C2orf76: variants seen among roughly 807,000 people sequenced by gnomAD.
C2orf76 encodes the protein chromosome 2 open reading frame 76, also known as UPF0538 protein C2orf76.
In C2orf76, 23 loss-of-function variants were observed where a neutral mutation model predicts 16.9. The ratio of observed to expected loss-of-function variants is 1.36; its 90% confidence interval spans 0.98 to 1.93. The LOEUF (loss-of-function observed/expected upper bound fraction) is 1.93, where lower values mean the gene tolerates loss of function less well. Among genes scored for constraint, C2orf76 ranks in the 30% most tolerant of loss-of-function variants. C2orf76 has a pLI of 0.00. For missense variants in C2orf76, 152 were observed against 152.6 expected, an observed-to-expected ratio of 1.00 and a Z score of 0.02; for synonymous variants, 48 against 52.3, an observed-to-expected ratio of 0.92 and a Z score of 0.35.
At chr2:119,289,237 T>C in the C2orf76 span, among the ~76,000 whole-genome samples, 2 of 152,030 alleles carry the variant, frequency 1.3e-5, no homozygotes, top group Non-Finnish European at 2.9e-5. Flanking sequence ...GGAGGTCTCA[T>C]GCAGCCAGAA....
the C2orf76 span, among the ~76,000 whole-genome samples, chr2:119,296,476 G>C: frequency 6.6e-6 from 1 of 152,216 alleles, no homozygotes; most frequent in Non-Finnish European, 1.5e-5. Context: ...CTAGTGGGCA[G>C]AGGGGTCCCA....
chr2:119,347,864 T>C (rs933616791), intron 1 of C2orf76, among the ~76,000 whole-genome samples: 46 of 152,012 alleles, frequency 3.0e-4, no homozygotes, highest in African/African-American at 1.1e-3. Flanking sequence ...CTTGCTTGAG[T>C]ATAGTCGATT....
chr2:119,338,550 A>G (rs947275399), intron 2 of C2orf76, among the ~76,000 whole-genome samples: 1 of 152,216 alleles, frequency 6.6e-6, no homozygotes, highest in Admixed American at 6.5e-5. Context: ...AGAAAGGGGA[A>G]GAGGAGAGAG....
intron 2 of C2orf76, among the ~76,000 whole-genome samples, chr2:119,337,999 A>G (rs1679905443): frequency 6.6e-6 from 1 of 152,258 alleles, no homozygotes; most frequent in Admixed American, 6.5e-5. Context: ...TGCTGTGTCA[A>G]CATTAAGAAA....
chr2:119,359,819 G>T (rs1680686622), intron 1 of C2orf76, among the ~76,000 whole-genome samples: 1 of 152,170 alleles, frequency 6.6e-6, no homozygotes, highest in Non-Finnish European at 1.5e-5. Flanking sequence ...TGTCGCCTAG[G>T]CTGGAGTGCT....
chr2:119,295,785 T>C, the C2orf76 span, among the ~76,000 whole-genome samples: 1 of 152,186 alleles, frequency 6.6e-6, no homozygotes, highest in Non-Finnish European at 1.5e-5. Context: ...ATTTTCTCCA[T>C]CTTAAAATCT....
At chr2:119,306,093 C>T (rs114124706) in intron 5 of C2orf76, among the ~76,000 whole-genome samples, 1,958 of 152,252 alleles carry the variant, frequency 0.013, 49 homozygotes, top group African/African-American at 0.045. Flanking sequence ...TTCCTGGGTC[C>T]GACACCCACA....
the C2orf76 span, among the ~76,000 whole-genome samples, chr2:119,293,416 C>T: frequency 2.6e-5 from 4 of 152,270 alleles, no homozygotes; most frequent in South Asian, 2.1e-4. Flanking sequence ...GGCCCTGGGG[C>T]GTGCATATGT....
chr2:119,326,979 T>C (rs1289058656), intron 2 of C2orf76, among the ~76,000 whole-genome samples: 1 of 152,228 alleles, frequency 6.6e-6, no homozygotes, highest in African/African-American at 2.4e-5. Context: ...ATTTTCTGCA[T>C]AGATAATCAT....
chr2:119,356,639 AAAT>A (rs1482349297), intron 1 of C2orf76, among the ~76,000 whole-genome samples: 2 of 152,078 alleles, frequency 1.3e-5, no homozygotes, highest in Middle Eastern at 3.4e-3. Context: ...AGAAGGAAAG[AAAT>A]AATAATGAGT....
chr2:119,345,016 T>A (rs1454764050), intron 1 of C2orf76, among the ~76,000 whole-genome samples: 1 of 152,152 alleles, frequency 6.6e-6, no homozygotes, highest in East Asian at 1.9e-4. Context: ...CAAAATAACG[T>A]GTCTATGAAA....
At chr2:119,328,979 AT>A (rs1679592022) in intron 2 of C2orf76, among the ~76,000 whole-genome samples, 1 of 152,200 alleles carries the variant, frequency 6.6e-6, no homozygotes, top group Non-Finnish European at 1.5e-5. Context: ...TTTAAAATCG[AT>A]TAAGACTTGT....
chr2:119,354,535 T>A (rs12998285), intron 1 of C2orf76, among the ~76,000 whole-genome samples: 1 of 151,874 alleles, frequency 6.6e-6, no homozygotes, highest in Admixed American at 6.6e-5. Flanking sequence ...AATATAAAAA[T>A]TTTTTTTAAA....
intron 5 of C2orf76, among the ~76,000 whole-genome samples, chr2:119,308,046 G>A (rs1310784022): frequency 1.3e-5 from 2 of 152,152 alleles, no homozygotes; most frequent in Non-Finnish European, 2.9e-5. Context: ...GAGTTTCAGA[G>A]AGGATAAGAG....
At chr2:119,317,133 G>A (rs1679194959) in intron 4 of C2orf76, among the ~76,000 whole-genome samples, 1 of 152,106 alleles carries the variant, frequency 6.6e-6, no homozygotes, top group African/African-American at 2.4e-5. Flanking sequence ...CAAAGACACT[G>A]GATTGCCAGA....
chr2:119,321,873 T>G (rs1334789247), intron 2 of C2orf76, among the ~76,000 whole-genome samples: 2 of 149,846 alleles, frequency 1.3e-5, no homozygotes, highest in African/African-American at 4.9e-5. Context: ...TATATATAGC[T>G]GATGTTTGTT....
intron 1 of C2orf76, among the ~76,000 whole-genome samples, chr2:119,350,496 A>G (rs1349643301): frequency 6.6e-6 from 1 of 152,178 alleles, no homozygotes; most frequent in Non-Finnish European, 1.5e-5. Flanking sequence ...AAAGCAAAAC[A>G]AAGCTCTTAC....
At chr2:119,345,847 G>A (rs1680181195) in intron 1 of C2orf76, among the ~76,000 whole-genome samples, 1 of 151,988 alleles carries the variant, frequency 6.6e-6, no homozygotes, top group South Asian at 2.1e-4. Flanking sequence ...GGATCACAAG[G>A]TCAGGAGATT....
At chr2:119,342,751 G>GTTGTTTGTTTGT (rs112996931) in intron 1 of C2orf76, among the ~76,000 whole-genome samples, 42 of 151,584 alleles carry the variant, frequency 2.8e-4, no homozygotes, top group African/African-American at 1.0e-3. Flanking sequence ...AGGTATATGG[G>GTTGTTTGTTTGT]TTGTTTGTTT....
Sources: gnomAD v4.1 joint callset for allele counts (sites outside exome capture counted in the v4.1 genomes callset) on GRCh38, gnomAD v4.1.1 for gene constraint, MANE v1.5 for transcripts, NCBI Gene and HGNC (gene_info 2026-07-23, HGNC 2026-07-21) for gene names.